The following GPM6A variants were observed in gnomAD, a reference collection of about 807,000 sequenced individuals.
The protein encoded by GPM6A is glycoprotein M6A.
Under a neutral mutation model 32.1 loss-of-function variants are expected in GPM6A, and 7 were observed. The ratio of observed to expected loss-of-function variants is 0.22; its 90% CI spans 0.12 to 0.41. The LOEUF (loss-of-function observed/expected upper bound fraction) is 0.41. Ranked by LOEUF, GPM6A falls within the 10% of genes least tolerant of loss-of-function variation. The probability of loss-of-function intolerance (pLI) is 1.00; values close to 1 mark genes in which losing one functional copy is unlikely to be tolerated. For missense variants in GPM6A, 235 were observed against 347.2 expected, an observed-to-expected ratio of 0.68 and a Z score of 2.57; for synonymous variants, 130 against 123.4, an observed-to-expected ratio of 1.05 and a Z score of -0.35.
chr4:175,701,066 T>C (rs554771182), intron 2 of GPM6A, among the ~76,000 whole-genome samples: 45 of 152,340 alleles, frequency 3.0e-4, no homozygotes, highest in African/African-American at 1.1e-3. Context: ...TTTCTTATGA[T>C]TTACTCTTTT....
intron 6 of GPM6A, 98 bp downstream of exon 6, chr4:175,640,031 A>T: frequency 2.1e-6 from 2 of 966,918 alleles, no homozygotes; most frequent in Non-Finnish European, 3.4e-6. Flanking sequence ...AATGTGTTTT[A>T]CATGAACTTC....
chr4:175,700,806 TA>T (rs1320561107), intron 2 of GPM6A, among the ~76,000 whole-genome samples: 10 of 152,160 alleles, frequency 6.6e-5, no homozygotes, highest in South Asian at 2.1e-4. Flanking sequence ...TTCATGGGCA[TA>T]AAAATCACTG....
At chr4:175,852,892 T>A (rs187368196) in intron 1 of GPM6A, among the ~76,000 whole-genome samples, 170 of 152,296 alleles carry the variant, frequency 1.1e-3, no homozygotes, top group African/African-American at 3.9e-3. Flanking sequence ...ATATATCACC[T>A]TGTTCAAAGC....
chr4:175,728,892 T>C (rs1352919370), intron 1 of GPM6A, among the ~76,000 whole-genome samples: 3 of 152,196 alleles, frequency 2.0e-5, no homozygotes, highest in African/African-American at 7.2e-5. Flanking sequence ...AGAGCACCCC[T>C]CATCCAGTGA....
chr4:175,939,647 A>G (rs939113887), intron 1 of GPM6A, among the ~76,000 whole-genome samples: 2 of 152,198 alleles, frequency 1.3e-5, no homozygotes, highest in African/African-American at 4.8e-5. Flanking sequence ...ACTGTAATAT[A>G]AGCCTACCAG....
At chr4:175,914,741 G>C (rs865869617) in intron 1 of GPM6A, among the ~76,000 whole-genome samples, 1 of 152,090 alleles carries the variant, frequency 6.6e-6, no homozygotes, top group South Asian at 2.1e-4. Context: ...TCAGAGCGAG[G>C]GGGGGCCACT....
intron 1 of GPM6A, among the ~76,000 whole-genome samples, chr4:175,863,721 G>T (rs1239252658): frequency 2.0e-5 from 3 of 152,078 alleles, no homozygotes; most frequent in South Asian, 2.1e-4. Context: ...CATTTTCTTG[G>T]CCAGGCACAG....
chr4:175,806,370 C>A (rs1734695205), intron 1 of GPM6A, among the ~76,000 whole-genome samples: 1 of 152,116 alleles, frequency 6.6e-6, no homozygotes, highest in Admixed American at 6.5e-5. Flanking sequence ...AACTTTAATT[C>A]AAGGAATTAA....
At chr4:175,735,049 T>C (rs1731602654) in intron 1 of GPM6A, among the ~76,000 whole-genome samples, 1 of 152,330 alleles carries the variant, frequency 6.6e-6, no homozygotes, top group Non-Finnish European at 1.5e-5. Flanking sequence ...AACAGTGCTT[T>C]ATATTGTATA....
intron 1 of GPM6A, among the ~76,000 whole-genome samples, chr4:175,711,455 T>TACAC (rs1322320563): frequency 9.8e-5 from 3 of 30,690 alleles, no homozygotes; most frequent in Non-Finnish European, 2.6e-4. Context: ...TATATATATA[T>TACAC]ATACACACAC....
At chr4:175,644,121 G>GCT (rs1741312056) in intron 4 of GPM6A, among the ~76,000 whole-genome samples, 1 of 110,380 alleles carries the variant, frequency 9.1e-6, no homozygotes, top group South Asian at 3.2e-4. Flanking sequence ...TTTTCCGTTT[G>GCT]TTTTTTTTTT....
At chr4:175,637,514 T>C (rs1740791614) in intron 6 of GPM6A, among the ~76,000 whole-genome samples, 1 of 3,878 alleles carries the variant, frequency 2.6e-4, no homozygotes, top group Non-Finnish European at 6.8e-4. Context: ...AAAACCTTTA[T>C]ATTTTTATAT....
At chr4:175,759,765 T>C (rs1481123791) in intron 1 of GPM6A, among the ~76,000 whole-genome samples, 1 of 152,204 alleles carries the variant, frequency 6.6e-6, no homozygotes, top group Non-Finnish European at 1.5e-5. Context: ...ATAGTAAAAA[T>C]TTAATCTCTA....
At chr4:175,995,816 C>T (rs189319138) in intron 1 of GPM6A, among the ~76,000 whole-genome samples, 8 of 152,156 alleles carry the variant, frequency 5.3e-5, no homozygotes, top group Admixed American at 3.3e-4. Context: ...AAATAAATAG[C>T]GAATATCTTA....
At chr4:175,843,386 C>A (rs1480801835) in intron 1 of GPM6A, among the ~76,000 whole-genome samples, 1 of 152,188 alleles carries the variant, frequency 6.6e-6, no homozygotes, top group Non-Finnish European at 1.5e-5. Flanking sequence ...GAGGCCCCTG[C>A]CTTCAGAGCA....
intron 1 of GPM6A, among the ~76,000 whole-genome samples, chr4:175,916,934 T>C (rs1252587910): frequency 6.6e-6 from 1 of 152,210 alleles, no homozygotes; most frequent in Non-Finnish European, 1.5e-5. Context: ...TTTTAAGTTA[T>C]GAAACATCTT....
chr4:175,996,204 G>C (rs2126469311), intron 1 of GPM6A, among the ~76,000 whole-genome samples: 1 of 152,114 alleles, frequency 6.6e-6, no homozygotes, highest in South Asian at 2.1e-4. Context: ...TCGATTTTTT[G>C]TAATCACAGA....
At chr4:175,754,456 C>A (rs1207979459) in intron 1 of GPM6A, among the ~76,000 whole-genome samples, 2 of 152,128 alleles carry the variant, frequency 1.3e-5, no homozygotes, top group African/African-American at 2.4e-5. Context: ...TTCTAACTCT[C>A]TATATACAAA....
intron 1 of GPM6A, among the ~76,000 whole-genome samples, chr4:175,867,811 T>G (rs573673188): frequency 3.2e-4 from 48 of 152,342 alleles, no homozygotes; most frequent in Non-Finnish European, 6.6e-4. Flanking sequence ...TACAGCCGAT[T>G]GAAGTGGGGT....
Sources: gnomAD v4.1 joint callset for allele counts (sites outside exome capture counted in the v4.1 genomes callset) on GRCh38, gnomAD v4.1.1 for gene constraint, MANE v1.5 for transcripts, NCBI Gene and HGNC (gene_info 2026-07-23, HGNC 2026-07-21) for gene names.